ERC2: variants seen among roughly 807,000 people sequenced by gnomAD.
The protein encoded by ERC2 is ELKS/RAB6-interacting/CAST family member 2.
A neutral mutation model predicts 114.8 loss-of-function variants in ERC2; 42 were observed. The ratio of observed to expected loss-of-function variants is 0.37; its 90% confidence interval spans 0.29 to 0.47. The LOEUF (loss-of-function observed/expected upper bound fraction) is 0.47. Ranked by LOEUF, ERC2 falls within the 20% of genes least tolerant of loss-of-function variation. The pLI, the probability that ERC2 is intolerant of heterozygous loss-of-function variation, is 0.99. For missense variants in ERC2, 939 were observed against 1,150.7 expected (o/e 0.82, Z 2.66); for synonymous variants, 454 against 425.5 (o/e 1.07, Z -0.82).
intron 17 of ERC2, among the ~76,000 whole-genome samples, chr3:55,592,981 A>G (rs923756842): frequency 3.9e-5 from 6 of 152,140 alleles, no homozygotes; most frequent in African/African-American, 1.2e-4. Flanking sequence ...CCTTCTATTC[A>G]CTCATTCAAA....
intron 13 of ERC2, among the ~76,000 whole-genome samples, chr3:55,937,522 A>G (rs1444807397): frequency 6.6e-6 from 1 of 152,214 alleles, no homozygotes; most frequent in Non-Finnish European, 1.5e-5. Flanking sequence ...CTGGGGTCAA[A>G]CCTCTCAGAG....
At chr3:56,313,038 G>T (rs1177844605) in intron 2 of ERC2, among the ~76,000 whole-genome samples, 3 of 16,026 alleles carry the variant, frequency 1.9e-4, no homozygotes, top group East Asian at 1.7e-3. Context: ...ATATATATAT[G>T]GGGTGGGAGA....
intron 17 of ERC2, among the ~76,000 whole-genome samples, chr3:55,582,982 T>C (rs2057335460): frequency 1.3e-5 from 2 of 152,374 alleles, no homozygotes; most frequent in South Asian, 2.1e-4. Context: ...CTCAGTTTTC[T>C]CATCTGACAA....
At chr3:56,242,863 G>T (rs1410798788) in intron 3 of ERC2, among the ~76,000 whole-genome samples, 1 of 152,144 alleles carries the variant, frequency 6.6e-6, no homozygotes, top group Non-Finnish European at 1.5e-5. Flanking sequence ...AGCAGTTAAT[G>T]TATGCTTATT....
chr3:56,130,206 C>T (rs891863195), intron 6 of ERC2, among the ~76,000 whole-genome samples: 1 of 152,280 alleles, frequency 6.6e-6, no homozygotes, highest in Admixed American at 6.5e-5. Flanking sequence ...TCCTTCTTGG[C>T]CTTCCTCTGA....
intron 13 of ERC2, among the ~76,000 whole-genome samples, chr3:55,916,242 T>C (rs1414585491): frequency 1.3e-5 from 2 of 152,322 alleles, no homozygotes; most frequent in South Asian, 4.1e-4. Context: ...ATGCCTAGCA[T>C]GCCAATTGAC....
intron 13 of ERC2, among the ~76,000 whole-genome samples, chr3:55,895,953 T>C (rs1030846968): frequency 6.6e-6 from 1 of 152,176 alleles, no homozygotes; most frequent in African/African-American, 2.4e-5. Context: ...GGAGGCCCTA[T>C]GTTCGCTGCC....
intron 3 of ERC2, among the ~76,000 whole-genome samples, chr3:56,182,241 AAATT>A (rs1443703534): frequency 8.5e-5 from 13 of 152,310 alleles, no homozygotes; most frequent in African/African-American, 3.1e-4. Context: ...CTAATTTATA[AAATT>A]AATTAATCCA....
chr3:56,445,978 A>T (rs2062542826), intron 1 of ERC2, among the ~76,000 whole-genome samples: 2 of 152,024 alleles, frequency 1.3e-5, no homozygotes, highest in South Asian at 4.1e-4. Flanking sequence ...GCCAAGGGTC[A>T]TCTCAATGGC....
At chr3:56,203,964 G>A (rs1056644926) in intron 3 of ERC2, among the ~76,000 whole-genome samples, 5 of 151,982 alleles carry the variant, frequency 3.3e-5, no homozygotes, top group African/African-American at 4.8e-5. Flanking sequence ...GGTGAATCAC[G>A]AGGTCAGGAG....
At chr3:55,991,909 T>A (rs1200913630) in intron 11 of ERC2, 148 bp downstream of exon 11, 1 of 664,150 alleles carries the variant, frequency 1.5e-6, no homozygotes, top group Non-Finnish European at 2.5e-6. Flanking sequence ...CACAGAAACG[T>A]CATCTTTCAC....
At position 55,684,837 on chromosome 3, in the gene ERC2, C is replaced by T. The variant is rs147996022; in HGVS notation, c.2848-978G>A. On this transcript the variant is annotated intron_variant, in intron 16 of 17. Transcript: ENST00000288221. ...CCTGGTGTCACACATAGTTTGAGAG[C>T]TGTGCCTTTTAATAGGTCTCCAGTG... Among the ~76,000 whole-genome samples the T allele has an allele frequency of 2.2e-3, 332 of 152,250 alleles. 2 individuals carry two copies. Among genetic ancestry groups the T allele is most frequent in the African/African-American group, 7.8e-3 (324 of 41,552 alleles).
chr3:56,012,323 G>A (rs561305733), intron 8 of ERC2, among the ~76,000 whole-genome samples: 30 of 152,232 alleles, frequency 2.0e-4, no homozygotes, highest in East Asian at 5.8e-4. Flanking sequence ...AGGACCTGTC[G>A]TCTCACTATT....
At position 55,811,544 on chromosome 3, in the gene ERC2, T is replaced by C. The variant is rs112003796; in HGVS notation, c.2565-76626A>G. Among the ~76,000 whole-genome samples the C allele has an allele frequency of 5.0e-3, 765 of 152,342 alleles. 6 individuals are homozygous for C. The highest frequency in any genetic ancestry group is 0.017 in the African/African-American group (725 of 41,580). On this transcript the variant is annotated intron_variant, in intron 14 of 17. Coordinates refer to ENST00000288221, the MANE Select transcript of ERC2 (RefSeq NM_015576.3). ...GCTTATAAAATTAGTCTACATTACC[T>C]GAGCCTTACACAGATGGAGTTCTGC...
At chr3:55,945,665 C>G (rs1475563751) in intron 13 of ERC2, among the ~76,000 whole-genome samples, 1 of 151,880 alleles carries the variant, frequency 6.6e-6, no homozygotes, top group East Asian at 1.9e-4. Context: ...ATTGGCTGTA[C>G]AGGGTTGCAC....
intron 14 of ERC2, among the ~76,000 whole-genome samples, chr3:55,747,868 C>G (rs2066410253): frequency 6.6e-6 from 1 of 152,192 alleles, no homozygotes; most frequent in Non-Finnish European, 1.5e-5. Flanking sequence ...ACAGGCCAAA[C>G]AAAGAGCTGC....
chr3:56,467,811 T>G (rs982974701), intron 1 of ERC2, among the ~76,000 whole-genome samples: 2 of 150,492 alleles, frequency 1.3e-5, no homozygotes, highest in Non-Finnish European at 3.0e-5. Context: ...CTTTCTCCAC[T>G]TTGTTCTGCT....
chr3:56,111,317 TTCTC>T (rs568063675), intron 6 of ERC2, among the ~76,000 whole-genome samples: 171 of 141,930 alleles, frequency 1.2e-3, no homozygotes, highest in African/African-American at 4.3e-3. Flanking sequence ...CTCTCCCTCT[TTCTC>T]TCTCTCTCTC....
chr3:56,332,691 C>T (rs193169498), intron 2 of ERC2, among the ~76,000 whole-genome samples: 75 of 152,276 alleles, frequency 4.9e-4, no homozygotes, highest in African/African-American at 1.6e-3. Flanking sequence ...GCTGAATGAG[C>T]GAATCTGTTT....
Sources: allele counts gnomAD v4.1 joint callset (sites outside exome capture counted in the v4.1 genomes callset), GRCh38; gene constraint gnomAD v4.1.1; transcripts MANE v1.5; gene names NCBI Gene and HGNC (gene_info 2026-07-23, HGNC 2026-07-21).